The following LRMDA variants were observed in gnomAD, a reference collection of about 807,000 sequenced individuals.
The protein encoded by LRMDA is leucine rich melanocyte differentiation associated.
In LRMDA, 18 loss-of-function variants were observed where a neutral mutation model predicts 29.8. The ratio of observed to expected loss-of-function variants is 0.60; its 90% CI spans 0.42 to 0.90. The LOEUF (loss-of-function observed/expected upper bound fraction) is 0.90, where lower values mean the gene tolerates loss of function less well. Among genes scored for constraint, LRMDA ranks in the 40% least tolerant of loss-of-function variants. The probability of loss-of-function intolerance (pLI) is 0.00; values close to 1 mark genes in which losing one functional copy is unlikely to be tolerated. For synonymous variants in LRMDA, 125 were observed against 109.4 expected, an observed-to-expected ratio of 1.14 and a Z score of -0.89; for missense variants, 273 against 273.9, an observed-to-expected ratio of 1.00 and a Z score of 0.02.
At chr10:75,462,581 G>A (rs1247764530) in intron 2 of LRMDA, among the ~76,000 whole-genome samples, 2 of 152,156 alleles carry the variant, frequency 1.3e-5, no homozygotes, top group African/African-American at 4.8e-5. Flanking sequence ...GAGGGGATCC[G>A]GGAATTGGGG....
intron 6 of LRMDA, among the ~76,000 whole-genome samples, chr10:76,409,772 A>G (rs1012132171): frequency 6.6e-6 from 1 of 152,220 alleles, no homozygotes; most frequent in African/African-American, 2.4e-5. Flanking sequence ...TAGCAACACT[A>G]AAGTGAGCAT....
intron 3 of LRMDA, among the ~76,000 whole-genome samples, chr10:76,041,842 A>G (rs4746351): frequency 0.49 from 74,978 of 152,004 alleles, 18,803 homozygotes; most frequent in African/African-American, 0.53. Flanking sequence ...AAGACTTGAT[A>G]AGGGAAACCA....
At chr10:76,524,528 A>G (rs532338472) in intron 6 of LRMDA, among the ~76,000 whole-genome samples, 5 of 152,198 alleles carry the variant, frequency 3.3e-5, no homozygotes, top group Non-Finnish European at 7.3e-5. Flanking sequence ...ACTCTTTACC[A>G]GGTCATATTT....
At chr10:76,013,028 A>G (rs926141836) in intron 2 of LRMDA, among the ~76,000 whole-genome samples, 1 of 152,212 alleles carries the variant, frequency 6.6e-6, no homozygotes, top group South Asian at 2.1e-4. Flanking sequence ...GGAGACACAT[A>G]GGAAAAAAAG....
rs145036984 is a variant in LRMDA at position 76,324,659 on chromosome 10, G to A, written c.601+174G>A. Among the ~76,000 whole-genome samples, 745 of 152,216 alleles carry A rather than the reference G, an allele frequency of 4.9e-3. 6 individuals carry two copies. The highest frequency in any genetic ancestry group is 0.017 in the African/African-American group (707 of 41,536). ...TAGTGATTTTAACCCATATTAAACA[G>A]AATTTAGTAGCAGTCTATTCAGGAG... is the stretch of plus-strand genomic sequence containing the variant. On this transcript the variant is annotated intron_variant, in intron 6 of 6. Coordinates refer to ENST00000611255, the MANE Select transcript of LRMDA (RefSeq NM_001305581.2).
chr10:75,745,733 C>T (rs779565149), intron 2 of LRMDA, among the ~76,000 whole-genome samples: 5 of 152,312 alleles, frequency 3.3e-5, no homozygotes, highest in African/African-American at 4.8e-5. Context: ...ATTCCAGCAA[C>T]GAACCCAGGG....
At chr10:76,147,198 G>A (rs1234285858) in intron 5 of LRMDA, among the ~76,000 whole-genome samples, 50 of 152,162 alleles carry the variant, frequency 3.3e-4, no homozygotes, top group Middle Eastern at 3.4e-3. Context: ...TCTTTGTGGC[G>A]TTCTCTGTAT....
intron 6 of LRMDA, among the ~76,000 whole-genome samples, chr10:76,436,991 A>G (rs1842251521): frequency 6.6e-6 from 1 of 151,534 alleles, no homozygotes; most frequent in Non-Finnish European, 1.5e-5. Context: ...TTGTGAACAC[A>G]TTTTCTCCTC....
intron 5 of LRMDA, among the ~76,000 whole-genome samples, chr10:76,297,381 A>G (rs183057783): frequency 6.6e-6 from 1 of 152,146 alleles, no homozygotes; most frequent in Non-Finnish European, 1.5e-5. Flanking sequence ...GGATACAGGG[A>G]ATTTGTAGTA....
At chr10:75,483,747 A>T (rs1160814665) in intron 2 of LRMDA, among the ~76,000 whole-genome samples, 4 of 152,158 alleles carry the variant, frequency 2.6e-5, no homozygotes, top group Non-Finnish European at 5.9e-5. Flanking sequence ...AAGTTTTTCA[A>T]TTCTCCTGGG....
At chr10:75,671,635 G>C (rs537325102) in intron 2 of LRMDA, among the ~76,000 whole-genome samples, 2 of 152,128 alleles carry the variant, frequency 1.3e-5, no homozygotes, top group Non-Finnish European at 2.9e-5. Flanking sequence ...AGGGCCTGTC[G>C]TGGGGTGGGG....
At chr10:76,235,520 A>T (rs994222934) in intron 5 of LRMDA, among the ~76,000 whole-genome samples, 3 of 152,092 alleles carry the variant, frequency 2.0e-5, no homozygotes, top group African/African-American at 7.2e-5. Flanking sequence ...GGAATGAGGT[A>T]TACCTGCAGA....
intron 2 of LRMDA, among the ~76,000 whole-genome samples, chr10:75,621,169 G>A (rs373399111): frequency 1.0e-4 from 15 of 150,634 alleles, no homozygotes; most frequent in South Asian, 4.2e-4. Flanking sequence ...CCATTATTTC[G>A]TTCCTTTTTA....
At chr10:75,713,559 A>G (rs959417238) in intron 2 of LRMDA, among the ~76,000 whole-genome samples, 1 of 152,372 alleles carries the variant, frequency 6.6e-6, no homozygotes, top group East Asian at 1.9e-4. Flanking sequence ...TAAAAATACA[A>G]AACAACACAA....
intron 2 of LRMDA, among the ~76,000 whole-genome samples, chr10:75,493,043 T>A (rs1035735399): frequency 6.6e-6 from 1 of 152,180 alleles, no homozygotes; most frequent in African/African-American, 2.4e-5. Context: ...GAATTTTTAT[T>A]TTACTTTGCA....
rs78522386 is a variant in LRMDA at position 76,492,778 on chromosome 10, G to A, written c.602-64431G>A. Among the ~76,000 whole-genome samples, 673 of 152,146 alleles carry A rather than the reference G, an allele frequency of 4.4e-3. 1 individual carries two copies. The highest frequency in any genetic ancestry group is 0.015 in the African/African-American group (629 of 41,566). On this transcript the variant is annotated intron_variant, in intron 6 of 6. Coordinates refer to ENST00000611255, the MANE Select transcript of LRMDA (RefSeq NM_001305581.2). ...AGAAGGAGAGAGAATGAGTGCTGAC[G>A]AAGAAGGAAGCCCTTTATAAAACCA...
At chr10:76,351,366 T>C (rs1841174531) in intron 6 of LRMDA, among the ~76,000 whole-genome samples, 1 of 152,198 alleles carries the variant, frequency 6.6e-6, no homozygotes, top group African/African-American at 2.4e-5. Flanking sequence ...AGTAGAATTC[T>C]TTCTTTCATG....
intron 5 of LRMDA, among the ~76,000 whole-genome samples, chr10:76,150,197 C>T (rs1031672284): frequency 6.6e-6 from 1 of 152,246 alleles, no homozygotes; most frequent in Non-Finnish European, 1.5e-5. Flanking sequence ...GCAGATGCCT[C>T]TGAGCAGCCT....
chr10:75,475,308 A>G (rs1273660986), intron 2 of LRMDA, among the ~76,000 whole-genome samples: 1 of 152,066 alleles, frequency 6.6e-6, no homozygotes, highest in Non-Finnish European at 1.5e-5. Context: ...GGAGATTAGC[A>G]TGGGTGTTGG....
Sources: gnomAD v4.1 joint callset for allele counts (sites outside exome capture counted in the v4.1 genomes callset) on GRCh38, gnomAD v4.1.1 for gene constraint, MANE v1.5 for transcripts, NCBI Gene and HGNC (gene_info 2026-07-23, HGNC 2026-07-21) for gene names.